Variants in BCL2 observed in about 807,000 individuals in gnomAD.
BCL2 encodes the protein BCL2 apoptosis regulator.
A neutral mutation model predicts 14.2 loss-of-function variants in BCL2; 1 was observed. The observed-to-expected ratio is 0.07, with a 90% CI of 0.02 to 0.33. BCL2 has a LOEUF of 0.33. Among genes scored for constraint, BCL2 ranks in the 10% least tolerant of loss-of-function variants. The probability of loss-of-function intolerance (pLI) is 0.99; values close to 1 mark genes in which losing one functional copy is unlikely to be tolerated. For missense variants in BCL2, 247 were observed against 305.9 expected (o/e 0.81, Z 1.44); for synonymous variants, 151 against 137.2 (o/e 1.10, Z -0.70).
At chr18:63,233,183 G>T (rs1485950426) in intron 2 of BCL2, among the ~76,000 whole-genome samples, 1 of 152,110 alleles carries the variant, frequency 6.6e-6, no homozygotes, top group African/African-American at 2.4e-5. Flanking sequence ...CCAAAATCCT[G>T]CCTCCTAATA....
chr18:63,199,538 T>C, intron 2 of BCL2, among the ~76,000 whole-genome samples: 1 of 139,032 alleles, frequency 7.2e-6, no homozygotes, highest in Non-Finnish European at 1.6e-5. Context: ...CACAGACACA[T>C]GCACAGACCC....
intron 2 of BCL2, among the ~76,000 whole-genome samples, chr18:63,268,280 C>T (rs528863915): frequency 1.3e-5 from 2 of 152,320 alleles, no homozygotes; most frequent in East Asian, 3.9e-4. Flanking sequence ...TCACTGTCTT[C>T]AGCAAAACCA....
intron 2 of BCL2, among the ~76,000 whole-genome samples, chr18:63,255,502 G>T (rs770426353): frequency 1.3e-5 from 2 of 152,200 alleles, no homozygotes; most frequent in African/African-American, 4.8e-5. Context: ...TCTTCAAAAA[G>T]TAAAGTGGCC....
At chr18:63,279,395 T>A (rs1912246085) in intron 2 of BCL2, among the ~76,000 whole-genome samples, 1 of 152,212 alleles carries the variant, frequency 6.6e-6, no homozygotes, top group African/African-American at 2.4e-5. Context: ...ATAGGCACGT[T>A]CTAAAAGAAA....
chr18:63,268,306 T>A (rs1911895958), intron 2 of BCL2, among the ~76,000 whole-genome samples: 1 of 152,228 alleles, frequency 6.6e-6, no homozygotes, highest in African/African-American at 2.4e-5. Context: ...CAGTTAAGGA[T>A]GACCTACCAC....
intron 2 of BCL2, among the ~76,000 whole-genome samples, chr18:63,305,874 C>A (rs761659543): frequency 1.3e-5 from 2 of 152,066 alleles, no homozygotes; most frequent in African/African-American, 4.8e-5. Flanking sequence ...GAGTTTGTGA[C>A]CAGCCTGGGC....
chr18:63,251,287 T>C (rs1033563257), intron 2 of BCL2, among the ~76,000 whole-genome samples: 1 of 151,942 alleles, frequency 6.6e-6, no homozygotes, highest in Non-Finnish European at 1.5e-5. Flanking sequence ...CTAGAAATTA[T>C]ATTGGAACAG....
Position 63,128,687 on chromosome 18 carries a change from G to C in BCL2, c.658C>G (p.Leu220Val). ...FDFSWLSLKTLLSLALVGACI... is the reference protein window; with the variant it reads ...FDFSWLSLKTVLSLALVGACI... ...GCTCCCACCAGGGCCAAACTGAGCA[G>C]AGTCTTCAGAGACAGCCAGGAGAAA... Residue 220 changes from leucine (L) to valine (V), a missense_variant, in exon 3 of 3, where the codon CTG becomes GTG. By Grantham distance (32) the Leu-to-Val change is conservative (BLOSUM62 1). Coordinates refer to ENST00000333681, the MANE Select transcript of BCL2 (RefSeq NM_000633.3). The C allele has an allele frequency of 1.3e-6, 1 of 781,122 alleles. No homozygotes were observed. Among genetic ancestry groups the C allele is most frequent in the East Asian group, 2.4e-5 (1 of 41,262 alleles). The allele number at this position is 781,122 out of a possible 1,614,324, so 48.4% of individuals were successfully genotyped here.
chr18:63,144,421 T>C (rs932368437), intron 2 of BCL2, among the ~76,000 whole-genome samples: 5 of 152,074 alleles, frequency 3.3e-5, no homozygotes, highest in African/African-American at 9.7e-5. Flanking sequence ...ACTCAGCTCA[T>C]TGCAGCAAAG....
In BCL2 at chr18:63,318,553, C is replaced by T. The variant is rs1169270253; in HGVS notation, c.114G>A (p.Ala38=). ...CCGGTGCGGGGGCGGCCCCCGGGGG[C>T]GCGGCGCCCACATCTCCCGCATCCC... ...YEWDAGDVGA[A]PPGAAPAPGI... Residue 38 remains alanine, a synonymous_variant, in exon 2 of 3, where the codon GCG becomes GCA. Coordinates refer to ENST00000333681, the MANE Select transcript of BCL2 (RefSeq NM_000633.3). This position sits in a 1 kb window ranked among gnomAD's most constrained non-coding sequence, Gnocchi z 7.4. The T allele has an allele frequency of 2.5e-6, 4 of 1,589,304 alleles. No homozygotes were observed. The highest frequency in any genetic ancestry group is 1.8e-5 in the Admixed American group (1 of 57,138).
intron 2 of BCL2, among the ~76,000 whole-genome samples, chr18:63,264,790 G>A (rs756014894): frequency 8.4e-6 from 1 of 119,300 alleles, no homozygotes; most frequent in Non-Finnish European, 1.8e-5. Flanking sequence ...CAAGAGATTT[G>A]TGGCTCTTCC....
chr18:63,318,037 G>T lies in BCL2; in HGVS notation c.585+45C>A, dbSNP rs1220102840. ...ACCCGCACTCCAACCCCCGCATCTC[G>T]GACCTGTGGCCTCAGCCCAGACTCA... On this transcript the variant is annotated intron_variant, in intron 2 of 2. Coordinates refer to ENST00000333681, the MANE Select transcript of BCL2 (RefSeq NM_000633.3). This position sits in a 1 kb window ranked among gnomAD's most constrained non-coding sequence, Gnocchi z 7.4. The T allele has an allele frequency of 6.3e-7, 1 of 1,597,936 alleles. No individual in the cohort carries two copies. The highest frequency in any genetic ancestry group is 8.6e-7 in the Non-Finnish European group (1 of 1,169,514).
chr18:63,281,925 A>T (rs1421132988), intron 2 of BCL2, among the ~76,000 whole-genome samples: 1 of 152,198 alleles, frequency 6.6e-6, no homozygotes, highest in Admixed American at 6.5e-5. Flanking sequence ...TGTTATTTTT[A>T]AAGTAGCTTA....
Position 63,125,315 on chromosome 18 carries a change from T to A in BCL2, c.*3310A>T. ...CTTAATTCTGTGACTTTATTCCAAA[T>A]CTTAAGCCTGCCAGAGTTTTCTGCC... On this transcript the variant is annotated 3_prime_UTR_variant, in exon 3 of 3. Coordinates refer to ENST00000333681, the MANE Select transcript of BCL2 (RefSeq NM_000633.3). The A allele has an allele frequency of 1.8e-5, 4 of 226,622 alleles. No homozygotes were observed. The highest frequency in any genetic ancestry group is 3.5e-5 in the Non-Finnish European group (4 of 113,798). The allele number at this position is 226,622 out of a possible 1,614,324, so 14.0% of individuals were successfully genotyped here.
intron 2 of BCL2, among the ~76,000 whole-genome samples, chr18:63,310,801 CT>C (rs1276574029): frequency 1.3e-5 from 2 of 152,208 alleles, no homozygotes; most frequent in African/African-American, 4.8e-5. Flanking sequence ...TCAATTAGGA[CT>C]TCTTCAAATC....
chr18:63,144,272 T>A (rs1040589145), intron 2 of BCL2, among the ~76,000 whole-genome samples: 1 of 152,188 alleles, frequency 6.6e-6, no homozygotes, highest in Non-Finnish European at 1.5e-5. Context: ...TTATTTAGCA[T>A]CTACTTCTGG....
intron 2 of BCL2, among the ~76,000 whole-genome samples, chr18:63,289,183 A>T (rs956402028): frequency 2.6e-5 from 4 of 152,164 alleles, no homozygotes; most frequent in Non-Finnish European, 5.9e-5. Context: ...ACATGTTTAT[A>T]ACCTGGAAGA....
intron 2 of BCL2, among the ~76,000 whole-genome samples, chr18:63,169,470 G>A (rs1287420850): frequency 2.7e-5 from 3 of 110,498 alleles, no homozygotes; most frequent in African/African-American, 1.0e-4. Context: ...CTCCCTCCCT[G>A]TCTCCCTCCC....
chr18:63,148,111 C>A (rs537215243), intron 2 of BCL2, among the ~76,000 whole-genome samples: 1 of 152,132 alleles, frequency 6.6e-6, no homozygotes, highest in Admixed American at 6.5e-5. Context: ...TTCCCCGCTC[C>A]CCCCCATTTC....
Sources: gnomAD v4.1 joint callset for allele counts (sites outside exome capture counted in the v4.1 genomes callset) on GRCh38, gnomAD v4.1.1 for gene constraint, Gnocchi (gnomAD v3.1) non-coding constraint, MANE v1.5 for transcripts, NCBI Gene and HGNC (gene_info 2026-07-23, HGNC 2026-07-21) for gene names.